The following ACOXL variants were observed in gnomAD, a reference collection of about 807,000 sequenced individuals.
ACOXL encodes acyl-coenzyme A oxidase-like protein.
Under a neutral mutation model 71.9 loss-of-function variants are expected in ACOXL, and 70 were observed. The ratio of observed to expected loss-of-function variants is 0.97; its 90% CI spans 0.80 to 1.19. The LOEUF (loss-of-function observed/expected upper bound fraction) is 1.19. ACOXL is among the 50% of genes most tolerant of loss of function. The pLI is 0.00. For missense variants in ACOXL, 703 were observed against 736.3 expected, an observed-to-expected ratio of 0.95 and a Z score of 0.52; for synonymous variants, 253 against 281.6, an observed-to-expected ratio of 0.90 and a Z score of 1.02.
At chr2:110,897,149 C>T (rs1036314330) in intron 10 of ACOXL, among the ~76,000 whole-genome samples, 2 of 152,030 alleles carry the variant, frequency 1.3e-5, no homozygotes, top group Non-Finnish European at 2.9e-5. Context: ...GAGGAACTCT[C>T]AGGAAAATTT....
At chr2:110,891,594 C>T (rs936983476) in intron 10 of ACOXL, among the ~76,000 whole-genome samples, 2 of 151,976 alleles carry the variant, frequency 1.3e-5, no homozygotes, top group Admixed American at 6.6e-5. Context: ...TCAAATACTA[C>T]AGACTCTCAT....
chr2:110,897,840 G>A (rs533319787), intron 10 of ACOXL, among the ~76,000 whole-genome samples: 1 of 151,988 alleles, frequency 6.6e-6, no homozygotes, highest in Non-Finnish European at 1.5e-5. Context: ...ATTGACAAAC[G>A]TTTTGACAGT....
chr2:111,009,381 G>T (rs1463679433), intron 14 of ACOXL, among the ~76,000 whole-genome samples: 1 of 152,004 alleles, frequency 6.6e-6, no homozygotes, highest in Non-Finnish European at 1.5e-5. Flanking sequence ...TGGCTTGGTG[G>T]TGTGTGCCTG....
chr2:110,754,382 A>G (rs182247288), intron 1 of ACOXL, among the ~76,000 whole-genome samples: 1 of 152,180 alleles, frequency 6.6e-6, no homozygotes, highest in East Asian at 1.9e-4. Context: ...GCCTAGTTCT[A>G]TGAGAGTTTA....
intron 17 of ACOXL, among the ~76,000 whole-genome samples, chr2:111,111,702 T>C (rs2069977201): frequency 6.6e-6 from 1 of 152,366 alleles, no homozygotes; most frequent in East Asian, 1.9e-4. Flanking sequence ...ATTCTTGTTT[T>C]AGGTAATGAT....
chr2:110,746,553 C>A (rs987464435), intron 1 of ACOXL, among the ~76,000 whole-genome samples: 1 of 152,082 alleles, frequency 6.6e-6, no homozygotes. Context: ...GGGCATGTTG[C>A]CTGCCTCCAT....
intron 5 of ACOXL, among the ~76,000 whole-genome samples, chr2:110,796,566 C>T (rs1685305626): frequency 6.6e-6 from 1 of 152,170 alleles, no homozygotes; most frequent in South Asian, 2.1e-4. Flanking sequence ...TGCTCCCTTC[C>T]CCACCCCACC....
chr2:110,762,111 T>C (rs1680475251), intron 1 of ACOXL, among the ~76,000 whole-genome samples: 1 of 152,212 alleles, frequency 6.6e-6, no homozygotes, highest in South Asian at 2.1e-4. Flanking sequence ...TCTTTGGTGA[T>C]GTTCTTTTTT....
chr2:110,933,553 C>G lies in ACOXL; in HGVS notation c.970C>G (p.Leu324Val), dbSNP rs1450166244. The change falls in exon 12 of 18, where the codon CTG (leucine) becomes GTG (valine). Residue 324 changes from leucine to valine, a missense_variant. Coordinates refer to ENST00000439055, the MANE Select transcript of ACOXL (RefSeq NM_001142807.4). ...QGKELVNSRS[L>V]QALVAGLKAY... ...AAAGGAGCTGGTCAACAGTCGCTCG[C>G]TGCAGGCTCTGGTGGCGGGGCTGAA... 1.1e-5 allele frequency: 17 copies of G among 1,614,086 alleles called. No individual in the cohort carries two copies. The highest frequency in any genetic ancestry group is 2.7e-5 in the African/African-American group (2 of 74,944).
chr2:110,845,315 C>G (rs1691685165), intron 10 of ACOXL, among the ~76,000 whole-genome samples: 2 of 152,120 alleles, frequency 1.3e-5, no homozygotes, highest in Non-Finnish European at 2.9e-5. Flanking sequence ...TTATAAGGGT[C>G]TTCTTCTCAT....
intron 2 of ACOXL, among the ~76,000 whole-genome samples, chr2:110,784,015 A>G (rs768246423): frequency 1.3e-5 from 2 of 152,238 alleles, no homozygotes; most frequent in Non-Finnish European, 2.9e-5. Flanking sequence ...TTGGGACCTC[A>G]TGATTTTTAA....
intron 11 of ACOXL, among the ~76,000 whole-genome samples, chr2:110,917,580 AG>A (rs1430376717): frequency 3.9e-5 from 6 of 152,228 alleles, no homozygotes; most frequent in African/African-American, 1.4e-4. Context: ...AAAGAAATAA[AG>A]GGTATTCAAA....
intron 12 of ACOXL, among the ~76,000 whole-genome samples, chr2:110,945,946 C>A (rs2061089893): frequency 6.6e-6 from 1 of 151,974 alleles, no homozygotes; most frequent in Admixed American, 6.6e-5. Context: ...GTAATATGGC[C>A]ATTTTAACAC....
intron 9 of ACOXL, among the ~76,000 whole-genome samples, chr2:110,836,191 G>A (rs972435894): frequency 4.6e-5 from 7 of 152,358 alleles, no homozygotes; most frequent in African/African-American, 1.7e-4. Flanking sequence ...GGGACGACCA[G>A]CCCTGGAGGG....
rs999811533 is a variant in ACOXL at position 110,759,097 on chromosome 2, G to C, written c.-22-9271G>C. Among the ~76,000 whole-genome samples, 22 of 152,108 alleles carry C rather than the reference G, an allele frequency of 1.4e-4. 1 individual carries two copies. On this transcript the variant is annotated intron_variant, in intron 1 of 17. Transcript: ENST00000439055. ...GCTGAGGAGTATTTTACTTCCAATT[G>C]TGTGATCAGTTTTAGAGTAAGTGCC...
intron 11 of ACOXL, among the ~76,000 whole-genome samples, chr2:110,922,983 C>A (rs986235631): frequency 6.6e-6 from 1 of 152,140 alleles, no homozygotes; most frequent in Non-Finnish European, 1.5e-5. Context: ...CTCATTGTCC[C>A]CATTATAGCT....
At chr2:110,846,641 G>GCACACGCACACACACACA (rs1553562228) in intron 10 of ACOXL, among the ~76,000 whole-genome samples, 1 of 137,928 alleles carries the variant, frequency 7.3e-6, no homozygotes, top group Admixed American at 7.2e-5. Context: ...ATGCATACAC[G>GCACACGCACACACACACA]CACACACACA....
At chr2:110,733,154 C>T (rs7572507) in intron 1 of ACOXL, 5,000 of 152,568 alleles carry the variant, frequency 0.033, 123 homozygotes, top group African/African-American at 0.066. Context: ...GATGTCCCAC[C>T]CTTGGTGGGG....
At chr2:110,931,499 G>C (rs1048210676) in intron 11 of ACOXL, among the ~76,000 whole-genome samples, 5 of 152,076 alleles carry the variant, frequency 3.3e-5, no homozygotes, top group Admixed American at 3.3e-4. Flanking sequence ...AGATGAAAAT[G>C]CCACAGACTT....
Sources: allele counts gnomAD v4.1 joint callset (sites outside exome capture counted in the v4.1 genomes callset), GRCh38; gene constraint gnomAD v4.1.1; transcripts MANE v1.5; gene names NCBI Gene and HGNC (gene_info 2026-07-23, HGNC 2026-07-21).